Variants in PRDM16 observed in about 807,000 individuals in gnomAD.
The protein encoded by PRDM16 is PR/SET domain 16, also known as histone-lysine N-methyltransferase PRDM16.
PRDM16 carries 23 observed loss-of-function variants against 110.6 expected under a neutral mutation model. The ratio of observed to expected loss-of-function variants is 0.21; its 90% CI spans 0.15 to 0.29. PRDM16 has a LOEUF of 0.29. Among genes scored for constraint, PRDM16 ranks in the 10% least tolerant of loss-of-function variants. The pLI is 1.00. For missense variants in PRDM16, 1,615 were observed against 1,794.3 expected (o/e 0.90, Z 1.81); for synonymous variants, 799 against 781.8 (o/e 1.02, Z -0.37).
At chr1:3,180,944 CCTTACACACGCAGTCTTACACACTCGGT>C (rs1174521231) in intron 1 of PRDM16, among the ~76,000 whole-genome samples, 6 of 140,872 alleles carry the variant, frequency 4.3e-5, no homozygotes, top group Admixed American at 1.4e-4. Context: ...ACACACGCAG[CCTTACACACGCAGTCTTACACACTCGGT>C]CTTACACACG....
Position 3,404,824 on chromosome 1 carries a change from C to G in PRDM16, c.970C>G (p.Leu324Val). 1.2e-6 allele frequency: 2 copies of G among 1,613,616 alleles called. No individual in the cohort carries two copies. Among genetic ancestry groups the G allele is most frequent in the Non-Finnish European group, 1.7e-6 (2 of 1,179,998 alleles). The change falls in exon 7 of 17, where the codon CTC (leucine) becomes GTC (valine). Residue 324 changes from leucine to valine, a missense_variant. Physicochemically the swap from Leu to Val is conservative, Grantham distance 32. Around this residue, in one of 5 missense-constraint regions of PRDM16, gnomAD observed 416 missense variants for 467.1 expected, o/e 0.89. Coordinates refer to ENST00000270722, the MANE Select transcript of PRDM16 (RefSeq NM_022114.4). ...CAAGGCCTTCAACTGGAAGTCCAACCTCATCCGCCACCAGATGTCCCACGA... is the reference window on the plus strand; with the variant it reads ...CAAGGCCTTCAACTGGAAGTCCAACGTCATCCGCCACCAGATGTCCCACGA... Reference protein sequence around the residue: ...CPKAFNWKSNLIRHQMSHDSG... With the variant: ...CPKAFNWKSNVIRHQMSHDSG...
intron 2 of PRDM16, among the ~76,000 whole-genome samples, chr1:3,240,277 A>C (rs1639639243): frequency 6.6e-6 from 1 of 151,628 alleles, no homozygotes; most frequent in Non-Finnish European, 1.5e-5. Flanking sequence ...ATTAGCCGGG[A>C]TGGTGGTGTG....
chr1:3,199,670 C>T, intron 2 of PRDM16, among the ~76,000 whole-genome samples: 1 of 152,188 alleles, frequency 6.6e-6, no homozygotes, highest in East Asian at 1.9e-4. Context: ...TCTGATGAGC[C>T]TCTCTAGTGC....
At chr1:3,347,741 G>T (rs1642391352) in intron 3 of PRDM16, among the ~76,000 whole-genome samples, 1 of 152,234 alleles carries the variant, frequency 6.6e-6, no homozygotes, top group Admixed American at 6.5e-5. Context: ...CTAGGCCTTG[G>T]TGAGAGCTGC....
chr1:3,421,116 AT>A (rs2100682204), intron 12 of PRDM16, among the ~76,000 whole-genome samples: 2 of 152,104 alleles, frequency 1.3e-5, no homozygotes, highest in African/African-American at 4.8e-5. Flanking sequence ...TTTTAGTTGT[AT>A]TTTTACGGCT....
intron 3 of PRDM16, among the ~76,000 whole-genome samples, chr1:3,377,953 G>C (rs1643023873): frequency 6.6e-6 from 1 of 152,180 alleles, no homozygotes; most frequent in African/African-American, 2.4e-5. Flanking sequence ...TGCCCCGAGA[G>C]ACTCCCAGAG....
At chr1:3,389,131 C>T (rs1258411297) in intron 4 of PRDM16, among the ~76,000 whole-genome samples, 1 of 152,188 alleles carries the variant, frequency 6.6e-6, no homozygotes, top group Non-Finnish European at 1.5e-5. Flanking sequence ...GAGGACCGGC[C>T]ATGTGCTCCT....
chr1:3,158,894 C>A (rs979733893), intron 1 of PRDM16, among the ~76,000 whole-genome samples: 5 of 152,190 alleles, frequency 3.3e-5, no homozygotes, highest in Admixed American at 2.0e-4. Context: ...CCTGCCCCAA[C>A]CTCCCGAGTA....
chr1:3,362,218 T>C (rs1023461387), intron 3 of PRDM16, among the ~76,000 whole-genome samples: 1 of 152,224 alleles, frequency 6.6e-6, no homozygotes, highest in Non-Finnish European at 1.5e-5. Flanking sequence ...CTGTCCTCCT[T>C]CTAGCAGACG....
chr1:3,421,962 A>G (rs9662450), intron 12 of PRDM16, among the ~76,000 whole-genome samples: 1 of 148,306 alleles, frequency 6.7e-6, no homozygotes, highest in Non-Finnish European at 1.5e-5. Context: ...ACAGACAGGA[A>G]GACAGACAGG....
intron 1 of PRDM16, among the ~76,000 whole-genome samples, chr1:3,082,182 C>G (rs1642045213): frequency 6.6e-6 from 1 of 152,150 alleles, no homozygotes; most frequent in South Asian, 2.1e-4. Context: ...CCTGGTGTGA[C>G]CAGGAAGGTG....
chr1:3,179,476 A>G (rs1313962807), intron 1 of PRDM16, among the ~76,000 whole-genome samples: 1 of 152,220 alleles, frequency 6.6e-6, no homozygotes, highest in Non-Finnish European at 1.5e-5. Flanking sequence ...AGAGCCACTC[A>G]CTGCTTGGTC....
In PRDM16 at chr1:3,313,007, G is replaced by A. The variant is rs72849076; in HGVS notation, c.438+68870G>A. Among the ~76,000 whole-genome samples the A allele has an allele frequency of 3.0e-3, 458 of 152,326 alleles. 3 individuals carry two copies. Among genetic ancestry groups the A allele is most frequent in the African/African-American group, 0.011 (442 of 41,576 alleles). ...TTCCAGGAGGCCTGGGTTTGCCTAC[G>A]AAGGGGCCGTGTTCCCAGTTGGCGT... On this transcript the variant is annotated intron_variant, in intron 3 of 16. Transcript: ENST00000270722.
At chr1:3,203,744 AC>A (rs1416109990) in intron 2 of PRDM16, among the ~76,000 whole-genome samples, 1 of 151,824 alleles carries the variant, frequency 6.6e-6, no homozygotes, top group Non-Finnish European at 1.5e-5. Flanking sequence ...GATTCGGACC[AC>A]CCTACCTGCG....
intron 1 of PRDM16, among the ~76,000 whole-genome samples, chr1:3,137,602 A>T (rs1203629925): frequency 6.6e-6 from 1 of 152,178 alleles, no homozygotes; most frequent in Non-Finnish European, 1.5e-5. Flanking sequence ...CTTTGTGTGG[A>T]TGGAGGAGGG....
In PRDM16 at chr1:3,341,634, C is replaced by T. The variant is rs1038358435; in HGVS notation, c.439-43518C>T. Among the ~76,000 whole-genome samples, 6 of 152,322 alleles carry T rather than the reference C, an allele frequency of 3.9e-5. No homozygotes were observed. In the East Asian group the frequency reaches 9.7e-4, roughly 25 times the overall value. The stretch of plus-strand genomic sequence containing the variant: ...AACTTAGGAATGTTTGGCTTTACGA[C>T]GGTGGAGAAGTGATCATAATAATTC... On this transcript the variant is annotated intron_variant, in intron 3 of 16. Coordinates refer to ENST00000270722, the MANE Select transcript of PRDM16 (RefSeq NM_022114.4).
intron 3 of PRDM16, among the ~76,000 whole-genome samples, chr1:3,253,077 G>A (rs1048729766): frequency 4.1e-4 from 63 of 152,066 alleles, no homozygotes; most frequent in Non-Finnish European, 4.9e-4. Flanking sequence ...CTCGCCAGGC[G>A]CCACGTGCTC....
At chr1:3,089,063 G>C (rs6676479) in intron 1 of PRDM16, among the ~76,000 whole-genome samples, 2 of 152,042 alleles carry the variant, frequency 1.3e-5, no homozygotes, top group Non-Finnish European at 2.9e-5. Flanking sequence ...GATTACAGGC[G>C]TGAGCCACCG....
intron 2 of PRDM16, among the ~76,000 whole-genome samples, chr1:3,193,668 G>A (rs1429280493): frequency 1.3e-5 from 2 of 152,200 alleles, no homozygotes; most frequent in Non-Finnish European, 2.9e-5. Flanking sequence ...CCGGGGAGGA[G>A]GTGCAAGCCC....
Sources: allele counts gnomAD v4.1 joint callset (sites outside exome capture counted in the v4.1 genomes callset), GRCh38; gene constraint gnomAD v4.1.1; regional missense constraint gnomAD v4.1.1; transcripts MANE v1.5; gene names NCBI Gene and HGNC (gene_info 2026-07-23, HGNC 2026-07-21).